Variants in RTEL1 observed in about 807,000 individuals in gnomAD.
The protein encoded by RTEL1 is regulator of telomere elongation helicase 1, also known as regulator of telomere length.
A neutral mutation model predicts 162.2 loss-of-function variants in RTEL1; 86 were observed. That is an observed-to-expected ratio of 0.53 (90% CI 0.45 to 0.63). The LOEUF (loss-of-function observed/expected upper bound fraction) is 0.63. Ranked by LOEUF, RTEL1 falls within the 30% of genes least tolerant of loss-of-function variation. The pLI is 0.00. For missense variants in RTEL1, 1,941 were observed against 1,750.2 expected (o/e 1.11, Z -1.95); for synonymous variants, 958 against 717.9 (o/e 1.33, Z -5.35).
chr20:63,687,438 C>G (rs2090621512), intron 16 of RTEL1, 200 bp from the exon 17 acceptor site: 1 of 600,452 alleles, frequency 1.7e-6, no homozygotes, highest in African/African-American at 1.9e-5. Context: ...CCCCTGTCCC[C>G]CAGAGGGGCC....
rs186752145 is a variant in RTEL1 at position 63,661,796 on chromosome 20, C to T, written c.302-54C>T. The T allele has an allele frequency of 4.9e-4, 735 of 1,486,926 alleles. 1 individual carries two copies. The highest frequency in any genetic ancestry group is 2.3e-3 in the Admixed American group (136 of 59,774). 92.1% of individuals were successfully genotyped at this position (1,486,926 alleles called of 1,614,324 possible). ...AGCCGAATGCCACCTGCCTTTGATA[C>T]GTGAGAACGTTGTCTGAGAACCGTG... is the stretch of plus-strand genomic sequence containing the variant. On this transcript the variant is annotated intron_variant, in intron 3 of 34. Transcript: ENST00000360203. This position sits in a 1 kb window ranked among gnomAD's most constrained non-coding sequence, Gnocchi z 5.1.
chr20:63,671,035 A>G (rs901387904), intron 8 of RTEL1, among the ~76,000 whole-genome samples: 6 of 152,130 alleles, frequency 3.9e-5, no homozygotes, highest in South Asian at 2.1e-4. Flanking sequence ...AGAGAGGCCC[A>G]TTGAGGAGGA....
intron 7 of RTEL1, among the ~76,000 whole-genome samples, chr20:63,667,112 T>C (rs375822467): frequency 2.6e-5 from 4 of 152,206 alleles, no homozygotes; most frequent in African/African-American, 9.7e-5. Context: ...GTGCTGGGAT[T>C]ACAGGAGTGA....
In RTEL1 at chr20:63,695,945, T is replaced by C. The variant is rs2090969805; in HGVS notation, c.*87T>C. On this transcript the variant is annotated 3_prime_UTR_variant, in exon 35 of 35. Transcript: ENST00000360203. ...TGGGCCAAGAACCCACCCAACAGAATAGGCCAGCCCATGCCAGCCGGCTTG... is the reference window on the plus strand; with the variant it reads ...TGGGCCAAGAACCCACCCAACAGAACAGGCCAGCCCATGCCAGCCGGCTTG... 12 of 1,358,334 alleles carry C rather than the reference T, an allele frequency of 8.8e-6. No homozygotes were observed. Among genetic ancestry groups the C allele is most frequent in the Admixed American group, 8.3e-5 (4 of 48,026 alleles). 84.1% of individuals were successfully genotyped at this position (1,358,334 alleles called of 1,614,324 possible).
chr20:63,690,732 G>T, intron 26 of RTEL1, 73 bp from the exon 27 acceptor site: 1 of 1,488,596 alleles, frequency 6.7e-7, no homozygotes, highest in East Asian at 2.4e-5. Flanking sequence ...CCCCCAAGAG[G>T]GGCTTTGCCA....
At chr20:63,679,772 GC>G (rs2146216872) in intron 12 of RTEL1, 76 bp from the exon 13 acceptor site, 1 of 1,134,384 alleles carries the variant, frequency 8.8e-7, no homozygotes, top group African/African-American at 1.5e-5. Flanking sequence ...GCCCGAGCCT[GC>G]CTTCTTCTCC....
chr20:63,671,504 C>T (rs1259103334), intron 8 of RTEL1, among the ~76,000 whole-genome samples: 3 of 151,136 alleles, frequency 2.0e-5, no homozygotes, highest in East Asian at 2.0e-4. Flanking sequence ...TTTTTTGAGA[C>T]GGGGTCTTGC....
intron 14 of RTEL1, chr20:63,681,262 C>G: frequency 1.0e-6 from 1 of 985,446 alleles, no homozygotes; most frequent in Non-Finnish European, 1.2e-6. Context: ...ATGCCTATGG[C>G]AGCACCTGCT....
rs910613998 is a variant in RTEL1, at chr20:63,678,136, C to T, written c.920-9C>T. The T allele has an allele frequency of 8.7e-6, 14 of 1,614,088 alleles. No individual in the cohort carries two copies. Among genetic ancestry groups the T allele is most frequent in the African/African-American group, 4.0e-5 (3 of 74,918 alleles). ...TGCAGACTGCCTTTGCTGCCTTTCT[C>T]TTGCCCAGGGCTGAACATGGAGCTG... On this transcript the variant is annotated splice_polypyrimidine_tract_variant and intron_variant, in intron 10 of 34. Coordinates refer to ENST00000360203, the MANE Select transcript of RTEL1 (RefSeq NM_001283009.2).
intron 14 of RTEL1, 88 bp downstream of exon 14, chr20:63,680,807 C>A: frequency 6.3e-7 from 1 of 1,578,698 alleles, no homozygotes; most frequent in Non-Finnish European, 8.7e-7. Context: ...TGATTCTAGA[C>A]TTGGGGATGG....
Position 63,689,643 on chromosome 20 carries a change from G to T in RTEL1, c.2020G>T (p.Gly674Cys), listed in dbSNP as rs747831615. The part of the protein sequence containing the change: ...DEMKGQGGAG[G>C]QFLSGQEWYR... ...GATGAAGGGCCAGGGTGGGGCTGGG[G>T]GCCAGGTGAGTTACAGCAGGGTGGG... Residue 674 changes from glycine to cysteine, a missense_variant, in exon 23 of 35, where the codon GGC (glycine) becomes TGC (cysteine). Transcript: ENST00000360203. The T allele has an allele frequency of 5.6e-6, 9 of 1,608,744 alleles. No homozygotes were observed. The South Asian group carries it at 8.8e-5, about 16-fold the overall frequency.
At position 63,695,148 on chromosome 20, in the gene RTEL1, C is replaced by G. The variant is rs1421070072; in HGVS notation, c.3426C>G (p.Gly1142=). ...CTDLTGRPYP[G]MEPPGPQEER... ...ACCTGACCGGCCGGCCCTACCCGGG[C>G]ATGGAGCCACCGGGACCCCAGGAGG... Residue 1142 remains glycine (G), a synonymous_variant, in exon 33 of 35, where the codon GGC becomes GGG. Coordinates refer to ENST00000360203, the MANE Select transcript of RTEL1 (RefSeq NM_001283009.2). 2 of 1,612,442 alleles carry G rather than the reference C, an allele frequency of 1.2e-6. No individual in the cohort carries two copies. Among genetic ancestry groups the G allele is most frequent in the Admixed American group, 3.3e-5 (2 of 60,012 alleles).
At chr20:63,689,682 G>C (rs373831881) in intron 23 of RTEL1, 34 bp downstream of exon 23, 286 of 1,605,502 alleles carry the variant, frequency 1.8e-4, no homozygotes, top group Non-Finnish European at 2.3e-4. Context: ...GGGGTAAGGC[G>C]GTCTGGTGAC....
chr20:63,693,180 G>C lies in RTEL1; in HGVS notation c.2889G>C (p.Gln963His), dbSNP rs1274218203. The C allele has an allele frequency of 1.9e-6, 3 of 1,612,078 alleles. No homozygotes were observed. The highest frequency in any genetic ancestry group is 1.7e-5 in the Admixed American group (1 of 59,966). ...TTGTGCGGCCCCACCATAAGCAGCA[G>C]TTTGAGGAGGTCTGTATCCAGCTGA... Reference protein sequence around the residue: ...YQFVRPHHKQQFEEVCIQLTG... With the variant: ...YQFVRPHHKQHFEEVCIQLTG... The change falls in exon 30 of 35, where the codon CAG becomes CAC. Residue 963 changes from glutamine (Q) to histidine (H), a missense_variant. Gln to His is a conservative substitution (Grantham distance 24). Transcript: ENST00000360203.
rs766839908 is a variant in RTEL1 at position 63,661,380 on chromosome 20, A to C, written c.185A>C (p.His62Pro). 1 of 1,613,768 alleles carries C rather than the reference A, an allele frequency of 6.2e-7. No homozygotes were observed. Among genetic ancestry groups the C allele is most frequent in the Non-Finnish European group, 8.5e-7 (1 of 1,180,020 alleles). The change falls in exon 3 of 35, where the codon CAC becomes CCC. Residue 62 changes from histidine to proline, a missense_variant. By Grantham distance (77) the His-to-Pro change is moderately conservative (BLOSUM62 -2). Coordinates refer to ENST00000360203, the MANE Select transcript of RTEL1 (RefSeq NM_001283009.2). This position sits in a 1 kb window ranked among gnomAD's most constrained non-coding sequence, Gnocchi z 5.1. ...LLCTTLAWRE[H>P]LRDGISARKI... ...TGCACCACGCTGGCCTGGCGAGAAC[A>C]CCTCCGAGACGGCATCTCTGCCCGC...
chr20:63,680,584 G>A (rs2090458860), intron 13 of RTEL1, 80 bp from the exon 14 acceptor site: 2 of 1,483,134 alleles, frequency 1.3e-6, no homozygotes, highest in South Asian at 2.3e-5. Context: ...GGCTGAGCGG[G>A]CTCATGCTGG....
At chr20:63,690,005 A>G in intron 24 of RTEL1, 82 bp from the exon 25 acceptor site, 2 of 1,571,630 alleles carry the variant, frequency 1.3e-6, no homozygotes, top group South Asian at 2.3e-5. Flanking sequence ...GGGCCCCTGC[A>G]GCAGATGAGG....
chr20:63,694,283 C>G (rs1354580058), intron 30 of RTEL1, 89 bp from the exon 31 acceptor site: 1 of 1,158,846 alleles, frequency 8.6e-7, no homozygotes, highest in Non-Finnish European at 1.3e-6. Flanking sequence ...TGGGTGAGGC[C>G]TGGCCTCCCT....
Position 63,695,060 on chromosome 20 carries a change from C to T in RTEL1, c.3344-6C>T, listed in dbSNP as rs1455821579. On this transcript the variant is annotated splice_polypyrimidine_tract_variant and splice_region_variant and intron_variant, in intron 32 of 34. Coordinates refer to ENST00000360203, the MANE Select transcript of RTEL1 (RefSeq NM_001283009.2). ...CTGTGCCGGGTCTGATTGAAGCTCC[C>T]CGCAGGGTTCAGCATGTTTGTGCGT... The T allele has an allele frequency of 1.2e-6, 2 of 1,611,902 alleles. No homozygotes were observed. Among genetic ancestry groups the T allele is most frequent in the Non-Finnish European group, 8.5e-7 (1 of 1,179,622 alleles).
Sources: gnomAD v4.1 joint callset for allele counts (sites outside exome capture counted in the v4.1 genomes callset) on GRCh38, gnomAD v4.1.1 for gene constraint, Gnocchi (gnomAD v3.1) non-coding constraint, MANE v1.5 for transcripts, NCBI Gene and HGNC (gene_info 2026-07-23, HGNC 2026-07-21) for gene names.